RAP1GDS1: variants seen among roughly 807,000 people sequenced by gnomAD.
RAP1GDS1 encodes RAP1, GTP-GDP dissociation stimulator 1.
RAP1GDS1 carries 35 observed loss-of-function variants against 71.1 expected under a neutral mutation model. The observed-to-expected ratio is 0.49, with a 90% CI of 0.38 to 0.65. RAP1GDS1 has a LOEUF of 0.65. RAP1GDS1 is among the 30% of genes least tolerant of loss of function. RAP1GDS1 has a pLI of 0.00. For synonymous variants in RAP1GDS1, 229 were observed against 243.1 expected (o/e 0.94, Z 0.54); for missense variants, 663 against 706.1 (o/e 0.94, Z 0.69).
intron 4 of RAP1GDS1, among the ~76,000 whole-genome samples, chr4:98,373,197 C>T (rs1043218468): frequency 2.6e-5 from 4 of 152,190 alleles, no homozygotes; most frequent in African/African-American, 4.8e-5. Flanking sequence ...AACAATTTTA[C>T]TTAACCTTAC....
At chr4:98,428,085 C>T (rs1286464088) in intron 12 of RAP1GDS1, among the ~76,000 whole-genome samples, 1 of 151,856 alleles carries the variant, frequency 6.6e-6, no homozygotes, top group Non-Finnish European at 1.5e-5. Flanking sequence ...TTTGACAAAG[C>T]AAACAAAAAC....
chr4:98,441,106 T>C (rs2110233331), intron 14 of RAP1GDS1, among the ~76,000 whole-genome samples: 1 of 152,346 alleles, frequency 6.6e-6, no homozygotes, highest in Non-Finnish European at 1.5e-5. Context: ...CAAGATTGTT[T>C]TGGAGATTTA....
At chr4:98,334,181 A>C (rs940965864) in intron 2 of RAP1GDS1, among the ~76,000 whole-genome samples, 1 of 152,166 alleles carries the variant, frequency 6.6e-6, no homozygotes, top group Admixed American at 6.5e-5. Context: ...GGCCAAGTAC[A>C]TCAGATTTTA....
intron 1 of RAP1GDS1, among the ~76,000 whole-genome samples, chr4:98,278,138 G>T (rs1724508293): frequency 6.6e-6 from 1 of 152,122 alleles, no homozygotes; most frequent in Admixed American, 6.6e-5. Context: ...GGTGGAGATT[G>T]TAGTGAGCCA....
chr4:98,334,807 A>T (rs558094908), intron 2 of RAP1GDS1, among the ~76,000 whole-genome samples: 1 of 151,062 alleles, frequency 6.6e-6, no homozygotes, highest in East Asian at 1.9e-4. Flanking sequence ...TTGTAAAGCT[A>T]TTAATTTGAA....
chr4:98,284,977 CATCAAGGCTGTAG>C, intron 1 of RAP1GDS1, among the ~76,000 whole-genome samples: 1 of 152,254 alleles, frequency 6.6e-6, no homozygotes, highest in South Asian at 2.1e-4. Flanking sequence ...TGAGACTCTG[CATCAAGGCTGTAG>C]ATTTTGTGAA....
intron 6 of RAP1GDS1, among the ~76,000 whole-genome samples, chr4:98,401,890 G>A (rs781204930): frequency 2.0e-5 from 3 of 152,034 alleles, no homozygotes; most frequent in Non-Finnish European, 2.9e-5. Context: ...TGGATTGGAA[G>A]GAATAGAGTA....
intron 2 of RAP1GDS1, among the ~76,000 whole-genome samples, chr4:98,322,915 A>G (rs1732198873): frequency 8.7e-6 from 1 of 115,382 alleles, no homozygotes; most frequent in Non-Finnish European, 1.6e-5. Context: ...AGAAATAACT[A>G]AAATCAGAGC....
intron 3 of RAP1GDS1, among the ~76,000 whole-genome samples, chr4:98,350,944 G>A (rs1165793122): frequency 6.6e-6 from 1 of 152,154 alleles, no homozygotes; most frequent in African/African-American, 2.4e-5. Context: ...TCAGGAGTTC[G>A]AGGCTACAGT....
chr4:98,334,639 A>T (rs1341592040), intron 2 of RAP1GDS1, among the ~76,000 whole-genome samples: 3 of 152,150 alleles, frequency 2.0e-5, no homozygotes, highest in Admixed American at 2.0e-4. Context: ...TTGATCTGAG[A>T]TCCTAACTTT....
At chr4:98,318,742 G>A (rs979014583) in intron 2 of RAP1GDS1, among the ~76,000 whole-genome samples, 1 of 152,188 alleles carries the variant, frequency 6.6e-6, no homozygotes, top group African/African-American at 2.4e-5. Flanking sequence ...ACAACTAATG[G>A]GCAGGTAGCA....
rs180983827 is a variant in RAP1GDS1, at chr4:98,278,447, A to G, written c.5-14961A>G. ...ATTACTTTTTGAAAATTAATATTTT[A>G]AAATTAAGAAGTTAATTGTGAAAAT... On this transcript the variant is annotated intron_variant, in intron 1 of 14. Transcript: ENST00000408927. Among the ~76,000 whole-genome samples, 452 of 152,334 alleles carry G rather than the reference A, an allele frequency of 3.0e-3. 1 individual carries two copies. Among genetic ancestry groups the G allele is most frequent in the Non-Finnish European group, 5.6e-3 (380 of 68,020 alleles).
intron 5 of RAP1GDS1, chr4:98,379,440 A>G (rs940121406): frequency 8.5e-6 from 2 of 235,418 alleles, no homozygotes; most frequent in African/African-American, 4.5e-5. Flanking sequence ...CTTACTGTGA[A>G]CATTTTAAAA....
chr4:98,354,990 AAAATT>A (rs2110428224), intron 4 of RAP1GDS1, among the ~76,000 whole-genome samples: 1 of 152,286 alleles, frequency 6.6e-6, no homozygotes, highest in Non-Finnish European at 1.5e-5. Context: ...CCTTTTATTC[AAAATT>A]AAATTCTGTC....
chr4:98,311,052 G>T (rs1201475926), intron 2 of RAP1GDS1, among the ~76,000 whole-genome samples: 1 of 152,120 alleles, frequency 6.6e-6, no homozygotes, highest in Non-Finnish European at 1.5e-5. Flanking sequence ...CAGTAGTTTT[G>T]GGGTGGGGCT....
At chr4:98,315,072 A>G (rs989709416) in intron 2 of RAP1GDS1, among the ~76,000 whole-genome samples, 3 of 152,118 alleles carry the variant, frequency 2.0e-5, no homozygotes, top group African/African-American at 7.2e-5. Context: ...TTCCTTGTAG[A>G]ATGTATTTTT....
chr4:98,392,098 A>C lies in RAP1GDS1; in HGVS notation c.637+18A>C. The C allele has an allele frequency of 6.3e-7, 1 of 1,596,064 alleles. No homozygotes were observed. Among genetic ancestry groups the C allele is most frequent in the East Asian group, 2.2e-5 (1 of 44,554 alleles). ...AGAACTTGGTAAGTCTTAGTCATGAACCACAAATGTAATTAACTTATTAAT... is the reference window on the plus strand; with the variant it reads ...AGAACTTGGTAAGTCTTAGTCATGACCCACAAATGTAATTAACTTATTAAT... On this transcript the variant is annotated intron_variant, in intron 6 of 14. Coordinates refer to ENST00000408927, the MANE Select transcript of RAP1GDS1 (RefSeq NM_001100427.2).
At chr4:98,352,440 G>T (rs771600445) in intron 3 of RAP1GDS1, 36 bp from the exon 4 acceptor site, 1 of 1,600,474 alleles carries the variant, frequency 6.2e-7, no homozygotes, top group Non-Finnish European at 8.6e-7. Flanking sequence ...ATTGTGAATC[G>T]TTAGATTTTT....
rs919698264 is a variant in RAP1GDS1, at chr4:98,443,491, C to T, written c.*1374C>T. ...CTGGCCTAAAAGGCAAGATGGGCTT[C>T]GATATAGAAGGACTGCAAGACAGTA... On this transcript the variant is annotated 3_prime_UTR_variant, in exon 15 of 15. Transcript: ENST00000408927. 4 of 228,840 alleles carry T rather than the reference C, an allele frequency of 1.7e-5. No individual in the cohort carries two copies. Among genetic ancestry groups the T allele is most frequent in the Non-Finnish European group, 3.5e-5 (4 of 115,436 alleles). 14.2% of individuals were successfully genotyped at this position (228,840 alleles called of 1,614,324 possible).
Sources: allele counts gnomAD v4.1 joint callset (sites outside exome capture counted in the v4.1 genomes callset), GRCh38; gene constraint gnomAD v4.1.1; transcripts MANE v1.5; gene names NCBI Gene and HGNC (gene_info 2026-07-23, HGNC 2026-07-21).